DSCAM: variants seen among roughly 807,000 people sequenced by gnomAD.
The protein encoded by DSCAM is cell adhesion molecule DSCAM.
DSCAM carries 47 observed loss-of-function variants against 217.7 expected under a neutral mutation model. The ratio of observed to expected loss-of-function variants is 0.22; its 90% CI spans 0.17 to 0.28. DSCAM has a LOEUF of 0.28. Among genes scored for constraint, DSCAM ranks in the 10% least tolerant of loss-of-function variants. DSCAM has a pLI of 1.00. For synonymous variants in DSCAM, 1,056 were observed against 1,015.3 expected, an observed-to-expected ratio of 1.04 and a Z score of -0.76; for missense variants, 2,080 against 2,618.3, an observed-to-expected ratio of 0.79 and a Z score of 4.49.
intron 3 of DSCAM, among the ~76,000 whole-genome samples, chr21:40,673,085 T>A (rs9982476): frequency 0.82 from 125,295 of 152,174 alleles, 52,837 homozygotes; most frequent in East Asian, 1. Context: ...CCCTGCCCCA[T>A]CCCTTCCCTG....
intron 2 of DSCAM, among the ~76,000 whole-genome samples, chr21:40,694,884 C>T (rs896300961): frequency 2.6e-5 from 4 of 151,926 alleles, no homozygotes; most frequent in Admixed American, 2.6e-4. Flanking sequence ...TATAGGCAAA[C>T]TAATCAAACT....
Position 40,630,344 on chromosome 21 carries a change from G to A in DSCAM, c.508+62466C>T, listed in dbSNP as rs553690577. On this transcript the variant is annotated intron_variant, in intron 3 of 32. Transcript: ENST00000400454. ...AACACTTAAAAATGGCTCAAATTGT[G>A]GATTTTATGTTATGTATATTTTACC... is the stretch of plus-strand genomic sequence containing the variant. 1.1e-3 allele frequency among the ~76,000 whole-genome samples: 175 copies of A among 152,278 alleles called. 1 individual carries two copies. The highest frequency in any genetic ancestry group is 4.1e-3 in the African/African-American group (172 of 41,542).
chr21:40,627,222 T>C (rs577060385), intron 3 of DSCAM, among the ~76,000 whole-genome samples: 1 of 152,240 alleles, frequency 6.6e-6, no homozygotes, highest in East Asian at 1.9e-4. Context: ...TAGAAGTGAA[T>C]GCAAAGAACT....
intron 2 of DSCAM, among the ~76,000 whole-genome samples, chr21:40,704,497 T>C (rs1018999414): frequency 6.6e-6 from 1 of 152,194 alleles, no homozygotes; most frequent in Non-Finnish European, 1.5e-5. Flanking sequence ...GGCAGATGGC[T>C]TGAGCCCAGA....
chr21:40,578,658 A>C (rs113728685), intron 3 of DSCAM, among the ~76,000 whole-genome samples: 12 of 152,110 alleles, frequency 7.9e-5, no homozygotes, highest in African/African-American at 2.9e-4. Flanking sequence ...TCTTGCTGCC[A>C]CTCACTTTTT....
At chr21:40,260,260 A>G (rs1422987057) in intron 11 of DSCAM, among the ~76,000 whole-genome samples, 1 of 152,196 alleles carries the variant, frequency 6.6e-6, no homozygotes, top group Non-Finnish European at 1.5e-5. Context: ...TAGCCACAAA[A>G]AGTGGACATC....
chr21:40,815,457 C>T (rs1379979699), intron 1 of DSCAM, among the ~76,000 whole-genome samples: 1 of 152,154 alleles, frequency 6.6e-6, no homozygotes, highest in African/African-American at 2.4e-5. Context: ...ATAAAGCTGG[C>T]ACCAACCCTC....
chr21:40,144,849 G>A lies in DSCAM; in HGVS notation c.3019-118C>T, dbSNP rs1601380774. Reference sequence around the variant, plus strand: ...AGTGGAGTCATCGCCACGATGCTGGGGCGGTGGTCCGGTAGCAGCCGCAAA... The same window carrying A: ...AGTGGAGTCATCGCCACGATGCTGGAGCGGTGGTCCGGTAGCAGCCGCAAA... On this transcript the variant is annotated intron_variant, in intron 16 of 32. Coordinates refer to ENST00000400454, the MANE Select transcript of DSCAM (RefSeq NM_001389.5). The surrounding 1 kb of genome is among the most constrained non-coding windows in gnomAD (Gnocchi z 4.8). 2.1e-6 allele frequency: 3 copies of A among 1,450,434 alleles called. No individual in the cohort carries two copies. The East Asian group carries it at 7.2e-5, about 35-fold the overall frequency. 89.8% of individuals were successfully genotyped at this position (1,450,434 alleles called of 1,614,324 possible).
rs1208097624 is a variant in DSCAM, at chr21:40,411,149, T to C, written c.509-41904A>G. 5.4e-5 allele frequency among the ~76,000 whole-genome samples: 8 copies of C among 148,458 alleles called. No individual in the cohort carries two copies. In the Admixed American group the frequency reaches 5.4e-4, roughly 10 times the overall value. ...ACAATATATGTGACCAGACTCAATATTACTTGAAGATAGACAGTAATTATA... is the reference window on the plus strand; with the variant it reads ...ACAATATATGTGACCAGACTCAATACTACTTGAAGATAGACAGTAATTATA... On this transcript the variant is annotated intron_variant, in intron 3 of 32. Transcript: ENST00000400454.
intron 20 of DSCAM, among the ~76,000 whole-genome samples, chr21:40,111,878 T>C (rs1385777240): frequency 6.6e-6 from 1 of 151,968 alleles, no homozygotes; most frequent in African/African-American, 2.4e-5. Context: ...ATCCTAAATA[T>C]ATATGCACCC....
intron 3 of DSCAM, among the ~76,000 whole-genome samples, chr21:40,418,978 A>G (rs1251491594): frequency 6.6e-6 from 1 of 152,052 alleles, no homozygotes. Flanking sequence ...AAAAAAATAT[A>G]TATCTATTTT....
rs371468163 is a variant in DSCAM, at chr21:40,167,307, C to G, written c.2948-19G>C. 1 of 1,613,316 alleles carries G rather than the reference C, an allele frequency of 6.2e-7. No homozygotes were observed. The highest frequency in any genetic ancestry group is 1.3e-5 in the African/African-American group (1 of 74,870). On this transcript the variant is annotated intron_variant, in intron 15 of 32. Coordinates refer to ENST00000400454, the MANE Select transcript of DSCAM (RefSeq NM_001389.5). ...TCAGGAGCTGTAAGGACCAAAAACCCACAGGCAGGTTAGAGACGCTTTCCG... is the reference window on the plus strand; with the variant it reads ...TCAGGAGCTGTAAGGACCAAAAACCGACAGGCAGGTTAGAGACGCTTTCCG...
chr21:40,806,585 A>G (rs2123521709), intron 1 of DSCAM, among the ~76,000 whole-genome samples: 1 of 152,336 alleles, frequency 6.6e-6, no homozygotes, highest in East Asian at 1.9e-4. Context: ...AAAAATTGTG[A>G]ATGCTACAAT....
At chr21:40,610,384 C>A (rs751095253) in intron 3 of DSCAM, among the ~76,000 whole-genome samples, 4 of 152,174 alleles carry the variant, frequency 2.6e-5, no homozygotes, top group Non-Finnish European at 5.9e-5. Context: ...ATAAGGCAAA[C>A]CAAGGAACAG....
chr21:40,690,314 T>TA (rs2090525394), intron 3 of DSCAM, among the ~76,000 whole-genome samples: 1 of 152,202 alleles, frequency 6.6e-6, no homozygotes, highest in Admixed American at 6.5e-5. Context: ...ATCATGCCAC[T>TA]GCTTTGGGGC....
At chr21:40,796,617 T>G (rs146629911) in intron 1 of DSCAM, among the ~76,000 whole-genome samples, 8 of 152,296 alleles carry the variant, frequency 5.3e-5, no homozygotes, top group African/African-American at 1.7e-4. Context: ...GTCTTGCAAG[T>G]TGGAATCAGT....
At chr21:40,339,600 C>G (rs561324388) in intron 6 of DSCAM, among the ~76,000 whole-genome samples, 185 bp from the exon 7 acceptor site, 2 of 152,218 alleles carry the variant, frequency 1.3e-5, no homozygotes, top group African/African-American at 2.4e-5. Flanking sequence ...AACAGGTAAG[C>G]ACAGTGTTAG....
chr21:40,791,631 C>T (rs1326970431), intron 1 of DSCAM, among the ~76,000 whole-genome samples: 2 of 152,094 alleles, frequency 1.3e-5, no homozygotes, highest in South Asian at 2.1e-4. Flanking sequence ...CCAGCCTGGG[C>T]GACAGAGAGA....
intron 1 of DSCAM, among the ~76,000 whole-genome samples, chr21:40,829,101 C>T (rs2091992813): frequency 6.6e-6 from 1 of 152,202 alleles, no homozygotes; most frequent in African/African-American, 2.4e-5. Flanking sequence ...ATGTGTTCAA[C>T]CACCCCTATA....
Sources: gnomAD v4.1 joint callset for allele counts (sites outside exome capture counted in the v4.1 genomes callset) on GRCh38, gnomAD v4.1.1 for gene constraint, Gnocchi (gnomAD v3.1) non-coding constraint, MANE v1.5 for transcripts, NCBI Gene and HGNC (gene_info 2026-07-23, HGNC 2026-07-21) for gene names.